The following CLIC5 variants were observed in gnomAD, a reference collection of about 807,000 sequenced individuals.
The protein encoded by CLIC5 is CLIC family member 5.
In CLIC5, 20 loss-of-function variants were observed where a neutral mutation model predicts 24.7. That is an observed-to-expected ratio of 0.81 (90% CI 0.57 to 1.18). The LOEUF is 1.18. Ranked by LOEUF, CLIC5 falls within the 50% of genes most tolerant of loss-of-function variation. The probability of loss-of-function intolerance (pLI) is 0.00; values close to 1 mark genes in which losing one functional copy is unlikely to be tolerated. For missense variants in CLIC5, 341 were observed against 326.1 expected (o/e 1.05, Z -0.35); for synonymous variants, 159 against 135.6 (o/e 1.17, Z -1.20).
intron 1 of CLIC5, among the ~76,000 whole-genome samples, chr6:46,053,818 G>A (rs554226940): frequency 6.6e-6 from 1 of 152,156 alleles, no homozygotes; most frequent in Non-Finnish European, 1.5e-5. Flanking sequence ...CCTGGGGAGA[G>A]GCATTCCTCT....
intron 1 of CLIC5, among the ~76,000 whole-genome samples, chr6:46,065,014 A>G (rs942401990): frequency 9.9e-5 from 15 of 152,270 alleles, no homozygotes; most frequent in Non-Finnish European, 7.4e-5. Flanking sequence ...CTTATAAACT[A>G]TTTGCAAAAC....
chr6:45,931,695 G>A (rs558603846), intron 4 of CLIC5, among the ~76,000 whole-genome samples: 55 of 152,344 alleles, frequency 3.6e-4, no homozygotes, highest in Non-Finnish European at 7.3e-4. Context: ...ATCTTGCTCT[G>A]TCACCCAGGC....
At chr6:45,965,665 C>T (rs1764993185) in intron 1 of CLIC5, among the ~76,000 whole-genome samples, 2 of 152,146 alleles carry the variant, frequency 1.3e-5, no homozygotes, top group Admixed American at 1.3e-4. Flanking sequence ...AACTCCTTTC[C>T]ACATTGGTAT....
chr6:45,889,155 A>T (rs191646855), intron 6 of CLIC5, among the ~76,000 whole-genome samples: 2 of 152,196 alleles, frequency 1.3e-5, no homozygotes, highest in African/African-American at 4.8e-5. Flanking sequence ...TATTTTTCAC[A>T]GTTCTGGAGG....
intron 3 of CLIC5, among the ~76,000 whole-genome samples, chr6:45,944,907 T>C (rs1380854581): frequency 6.6e-6 from 1 of 152,176 alleles, no homozygotes; most frequent in Non-Finnish European, 1.5e-5. Context: ...CCCTTCTCCA[T>C]TGTTCCCACT....
intron 1 of CLIC5, among the ~76,000 whole-genome samples, chr6:45,957,122 A>G (rs1764671443): frequency 6.6e-6 from 1 of 152,110 alleles, no homozygotes; most frequent in East Asian, 1.9e-4. Flanking sequence ...AAAAACAAAA[A>G]CAGAAGCCAG....
At chr6:45,948,229 T>C (rs1764350519) in intron 3 of CLIC5, among the ~76,000 whole-genome samples, 2 of 152,320 alleles carry the variant, frequency 1.3e-5, no homozygotes, top group East Asian at 3.9e-4. Flanking sequence ...TGGTGGTTTT[T>C]AGTAGTCAAA....
intron 1 of CLIC5, among the ~76,000 whole-genome samples, chr6:46,058,467 T>C (rs1331423879): frequency 2.0e-5 from 3 of 152,234 alleles, no homozygotes; most frequent in Non-Finnish European, 2.9e-5. Context: ...TTGAATTCAA[T>C]TGTACTTCCA....
At chr6:46,110,042 C>T in the CLIC5 span, among the ~76,000 whole-genome samples, 22 of 152,124 alleles carry the variant, frequency 1.4e-4, no homozygotes, top group African/African-American at 3.9e-4. Flanking sequence ...GGCTCTGGAA[C>T]GGGTCTAGAC....
intron 1 of CLIC5, among the ~76,000 whole-genome samples, chr6:45,985,944 C>A (rs1286409214): frequency 6.6e-6 from 1 of 152,030 alleles, no homozygotes; most frequent in Admixed American, 6.6e-5. Flanking sequence ...GTAATTGAAT[C>A]ATGGGGGTAG....
downstream of CLIC5, chr6:45,880,933 C>T (rs138015772): frequency 1.5e-4 from 60 of 389,196 alleles, no homozygotes; most frequent in African/African-American, 1.1e-3. Flanking sequence ...AAGAGCTAGA[C>T]ATGAACTGCT....
chr6:45,963,041 T>G (rs1487940164), intron 1 of CLIC5, among the ~76,000 whole-genome samples: 1 of 152,248 alleles, frequency 6.6e-6, no homozygotes, highest in Non-Finnish European at 1.5e-5. Context: ...TACTCCTACA[T>G]GGCTTCTTTT....
intron 1 of CLIC5, among the ~76,000 whole-genome samples, chr6:46,050,072 A>T (rs1047883248): frequency 6.6e-6 from 1 of 152,150 alleles, no homozygotes; most frequent in African/African-American, 2.4e-5. Context: ...AATTGCCAAT[A>T]TATCTCCTCA....
chr6:45,979,951 C>CTTTTTTTTTTTTTTTTTTTTTTTTTTT (rs3997321), intron 1 of CLIC5, among the ~76,000 whole-genome samples: 2 of 95,060 alleles, frequency 2.1e-5, no homozygotes, highest in Non-Finnish European at 2.0e-5. Flanking sequence ...GACTTAGTCA[C>CTTTTTTTTTTTTTTTTTTTTTTTTTTT]TTTTTTTTTT....
At chr6:46,067,452 C>T (rs544920033) in intron 1 of CLIC5, among the ~76,000 whole-genome samples, 3 of 152,258 alleles carry the variant, frequency 2.0e-5, no homozygotes, top group Non-Finnish European at 4.4e-5. Flanking sequence ...CTGATCACCA[C>T]GTCTAGTTTG....
intron 1 of CLIC5, among the ~76,000 whole-genome samples, chr6:45,987,921 C>A (rs575991948): frequency 6.3e-4 from 96 of 152,334 alleles, no homozygotes; most frequent in African/African-American, 2.1e-3. Flanking sequence ...TAGTCAACTG[C>A]ATTCTGTCCC....
intron 1 of CLIC5, among the ~76,000 whole-genome samples, chr6:46,061,169 TTTTG>T (rs1188317149): frequency 6.6e-6 from 1 of 151,558 alleles, no homozygotes; most frequent in Admixed American, 6.6e-5. Context: ...CTTTATAGAT[TTTTG>T]TTTTTGTTTT....
intron 1 of CLIC5, among the ~76,000 whole-genome samples, chr6:45,956,514 G>A (rs997520815): frequency 8.0e-5 from 12 of 149,774 alleles, no homozygotes; most frequent in African/African-American, 2.5e-4. Flanking sequence ...AAACAAATGC[G>A]TTCTCGAAGC....
intron 6 of CLIC5, chr6:45,883,606 C>T (rs937753764): frequency 6.6e-6 from 1 of 152,326 alleles, no homozygotes. Context: ...GTTGCTGGGC[C>T]CTCAGAAAAA....
Sources: allele counts gnomAD v4.1 joint callset (sites outside exome capture counted in the v4.1 genomes callset), GRCh38; gene constraint gnomAD v4.1.1; transcripts MANE v1.5; gene names NCBI Gene and HGNC (gene_info 2026-07-23, HGNC 2026-07-21).